Variants in PITPNC1 observed in about 807,000 individuals in gnomAD.
PITPNC1 encodes cytoplasmic phosphatidylinositol transfer protein 1.
In PITPNC1, 18 loss-of-function variants were observed where a neutral mutation model predicts 44.7. The observed-to-expected ratio is 0.40, with a 90% CI of 0.28 to 0.60. The LOEUF is 0.60. Ranked by LOEUF, PITPNC1 falls within the 20% of genes least tolerant of loss-of-function variation. PITPNC1 has a pLI of 0.39. For synonymous variants in PITPNC1, 141 were observed against 149.6 expected, an observed-to-expected ratio of 0.94 and a Z score of 0.42; for missense variants, 290 against 418.4, an observed-to-expected ratio of 0.69 and a Z score of 2.68.
In PITPNC1 at chr17:67,629,312, G is replaced by A. The variant is rs534962662; in HGVS notation, c.367-2831G>A. ...TTTTGAGACAGAGTCTCACTCTGTC[G>A]ACCAGGCTGGAGTGCAGTGGCACGA... On this transcript the variant is annotated intron_variant, in intron 5 of 8. Coordinates refer to ENST00000581322, the MANE Select transcript of PITPNC1 (RefSeq NM_012417.4). 5.2e-5 allele frequency among the ~76,000 whole-genome samples: 7 copies of A among 134,226 alleles called. No individual in the cohort carries two copies. In the East Asian group the frequency reaches 9.5e-4, roughly 18 times the overall value. The allele number at this position is 134,226 out of a possible 152,430, so 88.1% of individuals were successfully genotyped here.
intron 1 of PITPNC1, among the ~76,000 whole-genome samples, chr17:67,523,330 T>C (rs938834127): frequency 1.3e-5 from 2 of 152,232 alleles, no homozygotes; most frequent in African/African-American, 4.8e-5. Context: ...ATATGGCAGA[T>C]GCCTCATTCT....
intron 1 of PITPNC1, among the ~76,000 whole-genome samples, chr17:67,424,455 G>A (rs577969356): frequency 2.0e-5 from 3 of 152,110 alleles, no homozygotes; most frequent in East Asian, 1.9e-4. Flanking sequence ...CCAGGAGTTC[G>A]AGACCAGCCT....
At chr17:67,403,356 T>A (rs1445631667) in intron 1 of PITPNC1, among the ~76,000 whole-genome samples, 1 of 152,228 alleles carries the variant, frequency 6.6e-6, no homozygotes, top group Non-Finnish European at 1.5e-5. Context: ...CTCATTTGTT[T>A]TGATTTTTAA....
intron 5 of PITPNC1, among the ~76,000 whole-genome samples, chr17:67,581,187 T>G (rs970818248): frequency 1.2e-4 from 19 of 152,252 alleles, no homozygotes; most frequent in African/African-American, 4.6e-4. Context: ...TTATACATCC[T>G]TTTTTGGCAG....
rs1033277230 is a variant in PITPNC1 at position 67,567,511 on chromosome 17, G to A, written c.295-10675G>A. On this transcript the variant is annotated intron_variant, in intron 4 of 8. Coordinates refer to ENST00000581322, the MANE Select transcript of PITPNC1 (RefSeq NM_012417.4). ...AAAAAAAAAGAAATACCTGGGCGAC[G>A]AGACGTGCTATCAAGGAGGTGGGGA... Among the ~76,000 whole-genome samples, 3 of 151,202 alleles carry A rather than the reference G, an allele frequency of 2.0e-5. No individual in the cohort carries two copies. The South Asian group carries it at 6.3e-4, about 32-fold the overall frequency.
chr17:67,594,850 G>A (rs2041439922), intron 5 of PITPNC1, among the ~76,000 whole-genome samples: 1 of 152,170 alleles, frequency 6.6e-6, no homozygotes, highest in Non-Finnish European at 1.5e-5. Flanking sequence ...TATCATGATA[G>A]TTCCCACTCA....
At chr17:67,681,734 T>C (rs2042712493) in intron 8 of PITPNC1, among the ~76,000 whole-genome samples, 1 of 150,050 alleles carries the variant, frequency 6.7e-6, no homozygotes, top group African/African-American at 2.5e-5. Flanking sequence ...AGAACCGTAA[T>C]GAGAAAAACA....
chr17:67,382,648 ACT>A (rs2037979993), intron 1 of PITPNC1, among the ~76,000 whole-genome samples: 1 of 151,606 alleles, frequency 6.6e-6, no homozygotes, highest in Non-Finnish European at 1.5e-5. Flanking sequence ...TCTGAGCCAC[ACT>A]CTCTCGCTCT....
intron 2 of PITPNC1, among the ~76,000 whole-genome samples, chr17:67,546,790 C>T (rs566937380): frequency 1.3e-5 from 2 of 152,298 alleles, no homozygotes; most frequent in Non-Finnish European, 2.9e-5. Context: ...GAGGCCCCGG[C>T]AGCCTTGCCT....
intron 8 of PITPNC1, among the ~76,000 whole-genome samples, chr17:67,684,187 C>T (rs972337186): frequency 2.0e-5 from 3 of 150,092 alleles, no homozygotes; most frequent in Non-Finnish European, 4.4e-5. Context: ...TCTTGACTCA[C>T]TGCAGCCTCC....
In PITPNC1 at chr17:67,391,877, G is replaced by A. The variant is rs1021759570; in HGVS notation, c.48+13675G>A. On this transcript the variant is annotated intron_variant, in intron 1 of 8. Transcript: ENST00000581322. Reference sequence around the variant, plus strand: ...TGTTCTGTCCCAGTAAGAGAAGAAAGTGGTCCAGAAATTTTATCTCCCATC... The same window carrying A: ...TGTTCTGTCCCAGTAAGAGAAGAAAATGGTCCAGAAATTTTATCTCCCATC... 2.0e-5 allele frequency among the ~76,000 whole-genome samples: 3 copies of A among 152,280 alleles called. No homozygotes were observed. The South Asian group carries it at 6.2e-4, about 32-fold the overall frequency.
chr17:67,669,676 A>T lies in PITPNC1; in HGVS notation c.618+13A>T. ...ATTTGTACACAAGGTAAGTGGTCCA[A>T]CAGCAGTTCCTGGGCTGTGGACAAG... On this transcript the variant is annotated intron_variant, in intron 7 of 8. Transcript: ENST00000581322. 6.4e-7 allele frequency: 1 copy of T among 1,573,248 alleles called. No individual in the cohort carries two copies. Among genetic ancestry groups the T allele is most frequent in the Non-Finnish European group, 8.7e-7 (1 of 1,155,974 alleles).
intron 1 of PITPNC1, among the ~76,000 whole-genome samples, chr17:67,407,771 G>A (rs1420384569): frequency 6.6e-6 from 1 of 151,426 alleles, no homozygotes; most frequent in African/African-American, 2.4e-5. Context: ...TCCAGCCTGG[G>A]CAACAAGAGC....
chr17:67,532,195 G>T (rs896444535), intron 1 of PITPNC1, among the ~76,000 whole-genome samples: 4 of 152,158 alleles, frequency 2.6e-5, no homozygotes, highest in African/African-American at 9.7e-5. Context: ...GCCTTCAGGG[G>T]CTCAGATTAT....
intron 5 of PITPNC1, among the ~76,000 whole-genome samples, chr17:67,618,364 CA>C (rs11417487): frequency 0.031 from 2,352 of 76,816 alleles, 96 homozygotes; most frequent in African/African-American, 0.11. Flanking sequence ...GACTCCGTCT[CA>C]AAAAAAAAAA....
chr17:67,623,982 T>G (rs1438228095), intron 5 of PITPNC1, among the ~76,000 whole-genome samples: 1 of 152,172 alleles, frequency 6.6e-6, no homozygotes, highest in Non-Finnish European at 1.5e-5. Context: ...ATAAGACACA[T>G]TCCATGCTTA....
chr17:67,583,254 A>C (rs1243686550), intron 5 of PITPNC1, among the ~76,000 whole-genome samples: 1 of 152,112 alleles, frequency 6.6e-6, no homozygotes, highest in African/African-American at 2.4e-5. Flanking sequence ...CCCACCCCTG[A>C]GAGGGTCTAG....
intron 5 of PITPNC1, among the ~76,000 whole-genome samples, chr17:67,608,236 A>T (rs1310167074): frequency 4.4e-5 from 3 of 67,702 alleles, no homozygotes; most frequent in East Asian, 6.4e-4. Flanking sequence ...ATGTCAATTA[A>T]AAAAAAAAAA....
intron 1 of PITPNC1, among the ~76,000 whole-genome samples, chr17:67,496,993 G>C (rs761476865): frequency 1.3e-4 from 20 of 151,970 alleles, no homozygotes; most frequent in Non-Finnish European, 2.5e-4. Context: ...AGGCATGGTG[G>C]TGTGTGCCTG....
Sources: allele counts gnomAD v4.1 joint callset (sites outside exome capture counted in the v4.1 genomes callset), GRCh38; gene constraint gnomAD v4.1.1; transcripts MANE v1.5; gene names NCBI Gene and HGNC (gene_info 2026-07-23, HGNC 2026-07-21).